The following PLCH1 variants were observed in gnomAD, a reference collection of about 807,000 sequenced individuals.
PLCH1 encodes phospholipase C eta 1.
PLCH1 carries 60 observed loss-of-function variants against 126.7 expected under a neutral mutation model. The observed-to-expected ratio is 0.47, with a 90% CI of 0.38 to 0.59. PLCH1 has a LOEUF of 0.59. Among genes scored for constraint, PLCH1 ranks in the 20% least tolerant of loss-of-function variants. PLCH1 has a pLI of 0.00. For synonymous variants in PLCH1, 719 were observed against 734.9 expected, an observed-to-expected ratio of 0.98 and a Z score of 0.35; for missense variants, 1,723 against 2,040.0, an observed-to-expected ratio of 0.84 and a Z score of 2.99.
rs892471098 is a variant in PLCH1, at chr3:155,586,085, T to C, written c.580A>G (p.Lys194Glu). The C allele has an allele frequency of 2.5e-6, 4 of 1,613,980 alleles. No homozygotes were observed. In the African/African-American group the frequency reaches 4.0e-5, roughly 16 times the overall value. Residue 194 changes from lysine to glutamate, a missense_variant, in exon 5 of 23, where the codon AAA becomes GAA. By Grantham distance (56) the Lys-to-Glu change is moderately conservative (BLOSUM62 1). This residue lies in a region of PLCH1 where 776 missense variants were observed against 1,062.9 expected (regional missense o/e 0.73). Transcript: ENST00000460012. ...CTTACCTGAAACATTTGTCTGACTT[T>C]TCTTCGGGGCAGATTAACATTCAGT... Reference protein sequence around the residue: ...HKLNVNLPRRKVRQMFQEADT... With the variant: ...HKLNVNLPRREVRQMFQEADT...
chr3:155,547,506 G>C lies in PLCH1; in HGVS notation c.1362+2281C>G, dbSNP rs1725514004. Among the ~76,000 whole-genome samples the C allele has an allele frequency of 2.0e-5, 3 of 146,464 alleles. 1 individual carries two copies. Among genetic ancestry groups the C allele is most frequent in the Middle Eastern group, 7.1e-3 (2 of 280 alleles). On this transcript the variant is annotated intron_variant, in intron 10 of 22. Coordinates refer to ENST00000460012, the MANE Select transcript of PLCH1 (RefSeq NM_014996.4). ...GCGATTCCTCAGGGATCTATAACTAGAAATACCATTTGACCCACCAATCCC... is the reference window on the plus strand; with the variant it reads ...GCGATTCCTCAGGGATCTATAACTACAAATACCATTTGACCCACCAATCCC...
At chr3:155,542,752 A>G (rs1236494963) in intron 10 of PLCH1, among the ~76,000 whole-genome samples, 3 of 152,184 alleles carry the variant, frequency 2.0e-5, no homozygotes, top group Non-Finnish European at 4.4e-5. Flanking sequence ...TTCTGCAGCC[A>G]CTGCTGCTGG....
chr3:155,565,186 C>T, intron 7 of PLCH1, 68 bp from the exon 8 acceptor site: 1 of 942,114 alleles, frequency 1.1e-6, no homozygotes, highest in Non-Finnish European at 1.7e-6. Flanking sequence ...CTAAGAGGGG[C>T]AAAAGGGGTC....
At position 155,735,900 on chromosome 3, in the gene PLCH1, G is replaced by C. The variant is rs73873406; in HGVS notation, c.-41+8940C>G. Among the ~76,000 whole-genome samples the C allele has an allele frequency of 3.3e-5, 5 of 152,250 alleles. No individual in the cohort carries two copies. In the East Asian group the frequency reaches 7.7e-4, roughly 24 times the overall value. ...AGAAACTAATAACACTTTTCTACGGGAGGAAAAACTGAATGGCTGAGGAAC... is the reference window on the plus strand; with the variant it reads ...AGAAACTAATAACACTTTTCTACGGCAGGAAAAACTGAATGGCTGAGGAAC... On this transcript the variant is annotated intron_variant, in intron 1 of 22. Coordinates refer to ENST00000460012, the MANE Select transcript of PLCH1 (RefSeq NM_014996.4).
chr3:155,650,063 T>C (rs1325920023), intron 2 of PLCH1, among the ~76,000 whole-genome samples: 1 of 151,920 alleles, frequency 6.6e-6, no homozygotes, highest in African/African-American at 2.4e-5. Flanking sequence ...GGGTCACACT[T>C]CTGCAACTTC....
chr3:155,542,580 C>A (rs559801206), intron 10 of PLCH1, among the ~76,000 whole-genome samples: 37 of 152,324 alleles, frequency 2.4e-4, no homozygotes, highest in Non-Finnish European at 5.0e-4. Flanking sequence ...GGCAGACTGT[C>A]TCCTCAAGTG....
At chr3:155,718,012 G>A (rs1747659958) in intron 1 of PLCH1, among the ~76,000 whole-genome samples, 1 of 152,160 alleles carries the variant, frequency 6.6e-6, no homozygotes, top group South Asian at 2.1e-4. Context: ...CTGAGCATAG[G>A]CTGTTAGAAG....
chr3:155,642,446 C>T (rs1043550990), intron 2 of PLCH1, among the ~76,000 whole-genome samples: 1 of 152,162 alleles, frequency 6.6e-6, no homozygotes. Context: ...CTTGACTGGG[C>T]CACAGGATGC....
At chr3:155,693,759 G>C (rs1221439077) in intron 2 of PLCH1, among the ~76,000 whole-genome samples, 1 of 151,960 alleles carries the variant, frequency 6.6e-6, no homozygotes, top group Non-Finnish European at 1.5e-5. Flanking sequence ...GTGAAACCCC[G>C]TCTCAACTAA....
chr3:155,489,846 C>T (rs1715898648), intron 19 of PLCH1, among the ~76,000 whole-genome samples: 1 of 151,808 alleles, frequency 6.6e-6, no homozygotes, highest in Non-Finnish European at 1.5e-5. Context: ...ACCACTTAAC[C>T]CTATCAAAAA....
At chr3:155,640,030 T>C (rs1416968446) in intron 2 of PLCH1, among the ~76,000 whole-genome samples, 1 of 152,248 alleles carries the variant, frequency 6.6e-6, no homozygotes, top group Non-Finnish European at 1.5e-5. Flanking sequence ...CTGTACAGCC[T>C]GCAGAACTGT....
At chr3:155,497,908 T>C (rs908291054) in intron 14 of PLCH1, among the ~76,000 whole-genome samples, 1 of 151,848 alleles carries the variant, frequency 6.6e-6, no homozygotes. Flanking sequence ...AGTGAAAGGG[T>C]TTCACCATGT....
chr3:155,710,872 T>C (rs1747074905), intron 1 of PLCH1, among the ~76,000 whole-genome samples: 1 of 149,846 alleles, frequency 6.7e-6, no homozygotes, highest in Admixed American at 6.7e-5. Flanking sequence ...TATAGCTGCA[T>C]GTTTACAAAC....
At chr3:155,522,592 T>G (rs529253779) in intron 11 of PLCH1, among the ~76,000 whole-genome samples, 1 of 152,326 alleles carries the variant, frequency 6.6e-6, no homozygotes, top group South Asian at 2.1e-4. Context: ...CCAGCTCATT[T>G]TCACAACTAC....
chr3:155,628,554 T>C (rs116180436), intron 2 of PLCH1, among the ~76,000 whole-genome samples: 25,038 of 90,358 alleles, frequency 0.28, 2,461 homozygotes, highest in African/African-American at 0.5. Context: ...CCTCTCTTTT[T>C]TTTTTTTTTT....
chr3:155,733,936 TATATATATA>T (rs910827119), intron 1 of PLCH1, among the ~76,000 whole-genome samples: 1 of 28,356 alleles, frequency 3.5e-5, no homozygotes, highest in Non-Finnish European at 6.0e-5. Flanking sequence ...CAGGTATACA[TATATATATA>T]TATATATATA....
intron 2 of PLCH1, among the ~76,000 whole-genome samples, chr3:155,649,505 T>C (rs1740457775): frequency 6.6e-6 from 1 of 152,146 alleles, no homozygotes; most frequent in Non-Finnish European, 1.5e-5. Context: ...AGAGCAGCCC[T>C]GCCATTGCAA....
intron 5 of PLCH1, among the ~76,000 whole-genome samples, chr3:155,585,470 T>A (rs1201883940): frequency 6.6e-6 from 1 of 152,184 alleles, no homozygotes; most frequent in Non-Finnish European, 1.5e-5. Flanking sequence ...CTCACTTCGG[T>A]ACTCAGGTAA....
intron 1 of PLCH1, among the ~76,000 whole-genome samples, chr3:155,740,422 AAAG>A (rs1559976343): frequency 5.3e-5 from 8 of 149,890 alleles, no homozygotes; most frequent in African/African-American, 7.4e-5. Context: ...AAAAAAAAAA[AAAG>A]AAGAAGAAGA....
Sources: gnomAD v4.1 joint callset for allele counts (sites outside exome capture counted in the v4.1 genomes callset) on GRCh38, gnomAD v4.1.1 for gene constraint, gnomAD v4.1.1 regional missense constraint, MANE v1.5 for transcripts, NCBI Gene and HGNC (gene_info 2026-07-23, HGNC 2026-07-21) for gene names.